The following FAT3 variants were observed in gnomAD, a reference collection of about 807,000 sequenced individuals.
FAT3 encodes the protein FAT atypical cadherin 3.
FAT3 carries 95 observed loss-of-function variants against 310.2 expected under a neutral mutation model. The observed-to-expected ratio is 0.31, with a 90% CI of 0.26 to 0.36. FAT3 has a LOEUF of 0.36. Ranked by LOEUF, FAT3 falls within the 10% of genes least tolerant of loss-of-function variation. The pLI is 1.00. For synonymous variants in FAT3, 2,314 were observed against 2,192.9 expected (o/e 1.06, Z -1.54); for missense variants, 5,408 against 5,715.6 (o/e 0.95, Z 1.74).
At chr11:92,298,684 G>T (rs1045844457) in intron 1 of FAT3, among the ~76,000 whole-genome samples, 1 of 152,018 alleles carries the variant, frequency 6.6e-6, no homozygotes, top group Non-Finnish European at 1.5e-5. Context: ...AAAGATGGTC[G>T]TTAATCAACT....
At chr11:92,362,323 TAATA>T (rs747317017) in intron 2 of FAT3, among the ~76,000 whole-genome samples, 12 of 152,232 alleles carry the variant, frequency 7.9e-5, no homozygotes, top group Admixed American at 6.5e-5. Flanking sequence ...ATTATTCCAA[TAATA>T]AATAAGTATA....
intron 3 of FAT3, among the ~76,000 whole-genome samples, chr11:92,623,672 G>A (rs1293540557): frequency 2.0e-5 from 3 of 152,198 alleles, no homozygotes; most frequent in African/African-American, 7.2e-5. Flanking sequence ...GGCTGGGCAT[G>A]GTGTCTCATA....
At chr11:92,361,437 A>G (rs574786085) in intron 2 of FAT3, among the ~76,000 whole-genome samples, 3 of 151,908 alleles carry the variant, frequency 2.0e-5, no homozygotes, top group South Asian at 2.1e-4. Flanking sequence ...GCTTTTGGGA[A>G]GGGATTGAAT....
chr11:92,374,422 G>A (rs1371129555), intron 2 of FAT3, among the ~76,000 whole-genome samples: 1 of 152,156 alleles, frequency 6.6e-6, no homozygotes, highest in Non-Finnish European at 1.5e-5. Flanking sequence ...GTTCCAAGAA[G>A]GCCTCACTAG....
At chr11:92,289,536 C>CACACACACAT (rs1946641844) in intron 1 of FAT3, among the ~76,000 whole-genome samples, 1 of 127,596 alleles carries the variant, frequency 7.8e-6, no homozygotes, top group Non-Finnish European at 1.6e-5. Flanking sequence ...CACACACACA[C>CACACACACAT]ATATATATGT....
At chr11:92,436,626 GACCACTCTTCTT>G in intron 2 of FAT3, among the ~76,000 whole-genome samples, 1 of 152,234 alleles carries the variant, frequency 6.6e-6, no homozygotes, top group Middle Eastern at 3.4e-3. Flanking sequence ...TGGCATCAGG[GACCACTCTTCTT>G]ATGTGCAAAT....
At chr11:92,302,060 C>A (rs1947012573) in intron 1 of FAT3, among the ~76,000 whole-genome samples, 1 of 152,126 alleles carries the variant, frequency 6.6e-6, no homozygotes, top group African/African-American at 2.4e-5. Context: ...CACACACTCA[C>A]ACACACATAT....
At chr11:92,367,210 C>A in intron 2 of FAT3, 1 of 325,706 alleles carries the variant, frequency 3.1e-6, no homozygotes, top group Admixed American at 3.3e-5. Flanking sequence ...GTTCCACATG[C>A]TCTCTCTGTG....
intron 2 of FAT3, among the ~76,000 whole-genome samples, chr11:92,493,977 C>A (rs576598038): frequency 1.3e-5 from 2 of 151,478 alleles, no homozygotes; most frequent in South Asian, 4.2e-4. Context: ...AGTCTTAATT[C>A]TGTCATTTAA....
chr11:92,518,938 T>C (rs1305031495), intron 2 of FAT3, among the ~76,000 whole-genome samples: 1 of 152,064 alleles, frequency 6.6e-6, no homozygotes, highest in Non-Finnish European at 1.5e-5. Flanking sequence ...TATGGATCAG[T>C]AGACTCAAAG....
intron 3 of FAT3, among the ~76,000 whole-genome samples, chr11:92,577,416 CT>C (rs1335581697): frequency 1.3e-5 from 2 of 151,860 alleles, no homozygotes; most frequent in East Asian, 1.9e-4. Context: ...CCTATTTTTT[CT>C]TTTTAAGTAT....
At chr11:92,535,958 A>C (rs962338234) in intron 3 of FAT3, among the ~76,000 whole-genome samples, 3 of 152,162 alleles carry the variant, frequency 2.0e-5, no homozygotes, top group Non-Finnish European at 4.4e-5. Flanking sequence ...TTCTGAAAGC[A>C]CTTTTTTAAA....
intron 3 of FAT3, among the ~76,000 whole-genome samples, chr11:92,584,266 T>C (rs1379349963): frequency 6.6e-6 from 1 of 152,022 alleles, no homozygotes; most frequent in Admixed American, 6.6e-5. Context: ...GCACAGCAAC[T>C]TTGCTTTGGC....
chr11:92,234,152 G>A (rs958520190), intron 1 of FAT3, among the ~76,000 whole-genome samples: 7 of 152,230 alleles, frequency 4.6e-5, no homozygotes, highest in Middle Eastern at 3.4e-3. Flanking sequence ...TTCAACTAGG[G>A]AAAATACACT....
intron 2 of FAT3, among the ~76,000 whole-genome samples, chr11:92,477,671 T>C (rs1042862837): frequency 2.6e-5 from 4 of 152,290 alleles, no homozygotes; most frequent in African/African-American, 9.6e-5. Flanking sequence ...AGAAAATGTG[T>C]TATTTCTTTT....
At chr11:92,283,363 A>T (rs1331608657) in intron 1 of FAT3, among the ~76,000 whole-genome samples, 1 of 152,136 alleles carries the variant, frequency 6.6e-6, no homozygotes. Context: ...CCAAACCACC[A>T]CCTTAAGAAT....
intron 22 of FAT3, among the ~76,000 whole-genome samples, chr11:92,872,549 A>G (rs900388460): frequency 1.3e-5 from 2 of 152,208 alleles, no homozygotes; most frequent in African/African-American, 2.4e-5. Context: ...GGTACCTTGG[A>G]AAAAAACCTC....
intron 1 of FAT3, among the ~76,000 whole-genome samples, chr11:92,276,653 A>T (rs1028260203): frequency 1.3e-5 from 2 of 152,146 alleles, no homozygotes; most frequent in Admixed American, 6.6e-5. Context: ...GTATGTATAG[A>T]GTAGACATAG....
At chr11:92,716,191 G>A (rs1944679081) in intron 4 of FAT3, among the ~76,000 whole-genome samples, 1 of 152,100 alleles carries the variant, frequency 6.6e-6, no homozygotes, top group Non-Finnish European at 1.5e-5. Context: ...TGGATAAATG[G>A]GCAAAACTCA....
Sources: allele counts gnomAD v4.1 joint callset (sites outside exome capture counted in the v4.1 genomes callset), GRCh38; gene constraint gnomAD v4.1.1; transcripts MANE v1.5; gene names NCBI Gene and HGNC (gene_info 2026-07-23, HGNC 2026-07-21).